Variants in ZNF664 observed in about 807,000 individuals in gnomAD.
The protein encoded by ZNF664 is zinc finger Organ of Corti 1.
Under a neutral mutation model 18.2 loss-of-function variants are expected in ZNF664, and 10 were observed. That is an observed-to-expected ratio of 0.55 (90% CI 0.34 to 0.93). The LOEUF (loss-of-function observed/expected upper bound fraction) is 0.93, where lower values mean the gene tolerates loss of function less well. Ranked by LOEUF, ZNF664 falls within the 40% of genes least tolerant of loss-of-function variation. ZNF664 has a pLI of 0.02. For synonymous variants in ZNF664, 119 were observed against 104.2 expected, an observed-to-expected ratio of 1.14 and a Z score of -0.86; for missense variants, 193 against 319.0, an observed-to-expected ratio of 0.61 and a Z score of 3.01.
At chr12:123,974,045 A>G in intron 2 of ZNF664, 25 bp downstream of exon 2, 2 of 1,006,266 alleles carry the variant, frequency 2.0e-6, no homozygotes, top group East Asian at 3.2e-5. Context: ...GGCGCTGTCC[A>G]CTTCCCTCTG....
At chr12:123,979,989 G>GT (rs1956743449) in intron 2 of ZNF664, among the ~76,000 whole-genome samples, 2 of 152,106 alleles carry the variant, frequency 1.3e-5, no homozygotes, top group Admixed American at 1.3e-4. Context: ...TAGCCTATTA[G>GT]TTTTTTATAT....
In ZNF664 at chr12:123,973,352, A is replaced by T. The variant is rs1010089264; in HGVS notation, c.-892A>T. On this transcript the variant is annotated splice_region_variant and 5_prime_UTR_variant, in exon 1 of 5. Transcript: ENST00000337815. The stretch of plus-strand genomic sequence containing the variant: ...TGGGGCGCTGACTCCCCTCACTTGG[A>T]GTGAGTTCTCGGCGGCCGGGCTGCA... 2.1e-6 allele frequency: 2 copies of T among 944,876 alleles called. No homozygotes were observed. Among genetic ancestry groups the T allele is most frequent in the South Asian group, 5.1e-5 (1 of 19,690 alleles). 58.5% of individuals were successfully genotyped at this position (944,876 alleles called of 1,614,324 possible). A position where few individuals can be genotyped will look rare whatever the true frequency, so the allele number is the denominator to read the frequency against.
chr12:123,992,910 T>G (rs552898368), intron 3 of ZNF664, among the ~76,000 whole-genome samples: 2 of 152,238 alleles, frequency 1.3e-5, no homozygotes, highest in Admixed American at 1.3e-4. Context: ...GTGAAACTCT[T>G]CTCCTCTCAG....
intron 3 of ZNF664, among the ~76,000 whole-genome samples, chr12:123,999,223 G>A (rs1217999514): frequency 6.6e-6 from 1 of 152,094 alleles, no homozygotes; most frequent in African/African-American, 2.4e-5. Flanking sequence ...TTTTTGGTAG[G>A]GATTGGAGGC....
At chr12:123,982,256 A>G (rs888008435) in intron 2 of ZNF664, among the ~76,000 whole-genome samples, 2 of 152,208 alleles carry the variant, frequency 1.3e-5, no homozygotes, top group African/African-American at 4.8e-5. Context: ...AAGTGGAGAA[A>G]AGGTAGCGGA....
At chr12:123,997,971 A>G (rs957346040) in intron 3 of ZNF664, 1 of 152,272 alleles carries the variant, frequency 6.6e-6, no homozygotes, top group Admixed American at 6.5e-5. Context: ...GAGGACTTCA[A>G]ACGAAATCAT....
chr12:123,996,994 T>C (rs1452330788), intron 3 of ZNF664, among the ~76,000 whole-genome samples: 1 of 152,242 alleles, frequency 6.6e-6, no homozygotes, highest in Non-Finnish European at 1.5e-5. Context: ...CTGTAGATAC[T>C]GTTTGTGGTT....
chr12:123,979,570 CAA>C (rs1005074261), intron 2 of ZNF664, among the ~76,000 whole-genome samples: 1 of 152,200 alleles, frequency 6.6e-6, no homozygotes, highest in Non-Finnish European at 1.5e-5. Context: ...TTAATATAAA[CAA>C]TGTCTATTGC....
In ZNF664 at chr12:123,990,589, T is replaced by C. The variant is rs79066814; in HGVS notation, c.-661+2451T>C. On this transcript the variant is annotated intron_variant, in intron 3 of 4. Transcript: ENST00000337815. ...TGAATTTTGTCTCTTTAGGTCTTAC[T>C]ACCACAGTGGAAGGAGGAAACAAGT... Among the ~76,000 whole-genome samples the C allele has an allele frequency of 7.9e-5, 12 of 152,332 alleles. No homozygotes were observed. The East Asian group carries it at 2.3e-3, about 29-fold the overall frequency.
intron 3 of ZNF664, among the ~76,000 whole-genome samples, chr12:124,006,643 A>T (rs1957076624): frequency 6.6e-6 from 1 of 152,232 alleles, no homozygotes; most frequent in Non-Finnish European, 1.5e-5. Flanking sequence ...GCTCCTTTTC[A>T]TGAAAGGTGA....
At chr12:124,010,563 G>C (rs1329562637) in intron 3 of ZNF664, among the ~76,000 whole-genome samples, 1 of 152,178 alleles carries the variant, frequency 6.6e-6, no homozygotes, top group African/African-American at 2.4e-5. Flanking sequence ...TGCTCCACCA[G>C]AATGAAGCAG....
intron 1 of ZNF664, chr12:123,973,678 G>T (rs1337472819): frequency 4.8e-6 from 4 of 833,420 alleles, no homozygotes; most frequent in East Asian, 4.3e-5. Context: ...GCCGGGCGAG[G>T]CCCCTCGGGA....
chr12:123,984,907 A>G (rs945349979), intron 2 of ZNF664, among the ~76,000 whole-genome samples: 2 of 152,160 alleles, frequency 1.3e-5, no homozygotes, highest in African/African-American at 4.8e-5. Context: ...ATATTTAGGC[A>G]TAGGCATGTG....
At chr12:123,996,656 C>T (rs990408066) in intron 3 of ZNF664, among the ~76,000 whole-genome samples, 2 of 152,108 alleles carry the variant, frequency 1.3e-5, no homozygotes, top group Non-Finnish European at 2.9e-5. Context: ...AAGTGTTCAT[C>T]TGGAAATCAG....
At chr12:124,005,404 T>C (rs2138437206) in intron 3 of ZNF664, among the ~76,000 whole-genome samples, 1 of 152,298 alleles carries the variant, frequency 6.6e-6, no homozygotes, top group Middle Eastern at 3.4e-3. Context: ...GAAAACAATG[T>C]AAATATATAA....
chr12:124,001,483 C>T (rs1231483000), intron 3 of ZNF664, among the ~76,000 whole-genome samples: 2 of 152,200 alleles, frequency 1.3e-5, no homozygotes, highest in Admixed American at 6.5e-5. Context: ...TGTTCTGTCC[C>T]GTGCTTGCCT....
intron 2 of ZNF664, 173 bp downstream of exon 2, chr12:123,974,193 C>G (rs1956650329): frequency 1.4e-5 from 6 of 428,410 alleles, no homozygotes; most frequent in Non-Finnish European, 2.0e-5. Flanking sequence ...CACATCACCT[C>G]TCATTTCCCC....
In ZNF664 at chr12:124,014,642, G is replaced by A. The variant is rs193125383; in HGVS notation, c.*1712G>A. 1 of 167,234 alleles carries A rather than the reference G, an allele frequency of 6.0e-6. No individual in the cohort carries two copies. The highest frequency in any genetic ancestry group is 2.4e-5 in the African/African-American group (1 of 41,580). 10.4% of individuals were successfully genotyped at this position (167,234 alleles called of 1,614,324 possible). A position where few individuals can be genotyped will look rare whatever the true frequency, so the allele number is the denominator to read the frequency against. On this transcript the variant is annotated 3_prime_UTR_variant, in exon 5 of 5. Coordinates refer to ENST00000337815, the MANE Select transcript of ZNF664 (RefSeq NM_152437.3). ...GTGATCAGGTTAGTGGTGTCTGTCAGCTGTCTAAGAGGTTGGAAAATGAAC... is the reference window on the plus strand; with the variant it reads ...GTGATCAGGTTAGTGGTGTCTGTCAACTGTCTAAGAGGTTGGAAAATGAAC...
chr12:123,983,866 G>A (rs1186514546), intron 2 of ZNF664, among the ~76,000 whole-genome samples: 1 of 152,196 alleles, frequency 6.6e-6, no homozygotes, highest in Non-Finnish European at 1.5e-5. Flanking sequence ...GATAGGACTA[G>A]GACCTTGTGG....
Sources: gnomAD v4.1 joint callset for allele counts (sites outside exome capture counted in the v4.1 genomes callset) on GRCh38, gnomAD v4.1.1 for gene constraint, MANE v1.5 for transcripts, NCBI Gene and HGNC (gene_info 2026-07-23, HGNC 2026-07-21) for gene names.